POLD1: variants seen among roughly 807,000 people sequenced by gnomAD.
POLD1 encodes DNA polymerase delta 1, catalytic subunit.
Under a neutral mutation model 129.7 loss-of-function variants are expected in POLD1, and 79 were observed. The observed-to-expected ratio is 0.61, with a 90% CI of 0.51 to 0.73. The LOEUF (loss-of-function observed/expected upper bound fraction) is 0.73. POLD1 is among the 30% of genes least tolerant of loss of function. The pLI is 0.00. For synonymous variants in POLD1, 714 were observed against 683.3 expected (o/e 1.04, Z -0.70); for missense variants, 1,338 against 1,595.8 (o/e 0.84, Z 2.75).
rs1184569102 is a variant in POLD1, at chr19:50,402,297, G to T, written c.682G>T (p.Glu228Ter). ...RLVAPARRLLEQGIRVAGLGT... is the reference protein window; with the variant it reads ...RLVAPARRLL ...CGTGGCCCCGGCCCGCCGTCTCCTG[G>T]AACAGGGCATCCGTGTGGCAGGCCT... The change falls in exon 6 of 27, where the codon GAA (glutamate) becomes TAA (stop). Residue 228 changes from glutamate (E) to a stop codon, truncating the protein, a stop_gained. Transcript: ENST00000440232. LOFTEE classifies it high-confidence loss of function. 1 of 1,610,814 alleles carries T rather than the reference G, an allele frequency of 6.2e-7. No homozygotes were observed. Among genetic ancestry groups the T allele is most frequent in the Non-Finnish European group, 8.5e-7 (1 of 1,177,912 alleles).
chr19:50,393,461 AG>A lies in POLD1; in HGVS notation c.-1-5386del, dbSNP rs566311557. ...CAAGGCAGGCAGATCACTTGAGCCC[AG>A]GGGTTTCAGACCAGCCTCAGCAACA... On this transcript the variant is annotated intron_variant, in intron 1 of 26. Coordinates refer to ENST00000440232, the MANE Select transcript of POLD1 (RefSeq NM_002691.4). 7.9e-5 allele frequency among the ~76,000 whole-genome samples: 12 copies of A among 152,272 alleles called. No individual in the cohort carries two copies. The South Asian group carries it at 2.3e-3, about 29-fold the overall frequency.
In POLD1 at chr19:50,398,900, C is replaced by T. The variant is rs570461545; in HGVS notation, c.49C>T (p.Arg17Trp). Residue 17 changes from arginine to tryptophan, a missense_variant, in exon 2 of 27, where the codon CGG becomes TGG. This residue lies in a region of POLD1 where 332 missense variants were observed against 315.7 expected (regional missense o/e 1.05). Coordinates refer to ENST00000440232, the MANE Select transcript of POLD1 (RefSeq NM_002691.4). ...PGPGPGVPPK[R>W]ARGGLWDDDD... is the part of the protein sequence containing the mutation. ...CCCAGGGCCCGGGGTGCCCCCAAAG[C>T]GGGCCCGTGGGGGCCTCTGGGATGA... The T allele has an allele frequency of 1.6e-5, 25 of 1,602,884 alleles. No homozygotes were observed. The highest frequency in any genetic ancestry group is 1.1e-4 in the African/African-American group (8 of 74,932).
chr19:50,396,395 A>G lies in POLD1; in HGVS notation c.-1-2456A>G, dbSNP rs143410407. On this transcript the variant is annotated intron_variant, in intron 1 of 26. Coordinates refer to ENST00000440232, the MANE Select transcript of POLD1 (RefSeq NM_002691.4). ...GGGCCACCGTGCCTAACTCTAGTCAACTTTTATATTGTATATCTTGTACAT... is the reference window on the plus strand; with the variant it reads ...GGGCCACCGTGCCTAACTCTAGTCAGCTTTTATATTGTATATCTTGTACAT... 1.5e-3 allele frequency among the ~76,000 whole-genome samples: 218 copies of G among 148,614 alleles called. 1 individual carries two copies. Among genetic ancestry groups the G allele is most frequent in the Middle Eastern group, 3.5e-3 (1 of 288 alleles).
chr19:50,401,738 C>T (rs1367408915), intron 3 of POLD1, 40 bp from the exon 4 acceptor site: 1 of 1,606,856 alleles, frequency 6.2e-7, no homozygotes, highest in African/African-American at 1.3e-5. Context: ...TTGGAGGACC[C>T]TGAGAGGCAT....
intron 20 of POLD1, among the ~76,000 whole-genome samples, 176 bp downstream of exon 20, chr19:50,415,166 A>G (rs2039232845): frequency 6.7e-6 from 1 of 149,664 alleles, no homozygotes; most frequent in South Asian, 2.1e-4. Flanking sequence ...TCTTAGATAC[A>G]AGAGTCCAGA....
intron 1 of POLD1, among the ~76,000 whole-genome samples, chr19:50,391,752 G>A (rs575338231): frequency 6.6e-6 from 1 of 152,060 alleles, no homozygotes. Context: ...CGCTCTTGTT[G>A]CCCGGGCTGG....
intron 18 of POLD1, 88 bp from the exon 19 acceptor site, chr19:50,413,654 T>C (rs1016709819): frequency 1.5e-5 from 23 of 1,542,508 alleles, no homozygotes; most frequent in Admixed American, 5.3e-5. Flanking sequence ...TTGGGTCCCG[T>C]TGGCATTAGC....
intron 19 of POLD1, among the ~76,000 whole-genome samples, chr19:50,414,599 T>G (rs576058174): frequency 6.6e-6 from 1 of 152,324 alleles, no homozygotes; most frequent in East Asian, 1.9e-4. Flanking sequence ...TGTTTCAGAT[T>G]GGGGTCTCTG....
chr19:50,402,960 G>A lies in POLD1; in HGVS notation c.971-93G>A, dbSNP rs3218759. ...GAGCCACGTAGGGCCGGCAGGCAGCGGGGACAGCCCCGGGGAGATGGCAGG... is the reference window on the plus strand; with the variant it reads ...GAGCCACGTAGGGCCGGCAGGCAGCAGGGACAGCCCCGGGGAGATGGCAGG... On this transcript the variant is annotated intron_variant, in intron 8 of 26. Transcript: ENST00000440232. The A allele has an allele frequency of 4.0e-4, 584 of 1,475,888 alleles. No homozygotes were observed. The African/African-American group carries it at 6.9e-3, about 17-fold the overall frequency. The allele number at this position is 1,475,888 out of a possible 1,614,324, so 91.4% of individuals were successfully genotyped here. A position where few individuals can be genotyped will look rare whatever the true frequency, so the allele number is the denominator to read the frequency against.
intron 17 of POLD1, among the ~76,000 whole-genome samples, chr19:50,411,234 C>A (rs1345606639): frequency 6.6e-6 from 1 of 152,208 alleles, no homozygotes; most frequent in Non-Finnish European, 1.5e-5. Context: ...AAGAGCCAGA[C>A]CTTTCTTTGC....
chr19:50,413,791 CG>C lies in POLD1; in HGVS notation c.2302del (p.Val768TrpfsTer120), dbSNP rs1555792662. Reference sequence around the variant, plus strand: ...GTCATGTGCCGATTCGGCGTGTCCTCGGTGGCTGAGGCGATGGCCCTGGGGC... The same window carrying C: ...GTCATGTGCCGATTCGGCGTGTCCTCGTGGCTGAGGCGATGGCCCTGGGGC... ...DSVMCRFGVS[S>X]VAEAMALGRE... is the part of the protein sequence containing the mutation. On this transcript the variant is annotated frameshift_variant, in exon 19 of 27. Transcript: ENST00000440232. LOFTEE classifies it high-confidence loss of function. 6.2e-7 allele frequency: 1 copy of C among 1,612,268 alleles called. No individual in the cohort carries two copies. The highest frequency in any genetic ancestry group is 8.5e-7 in the Non-Finnish European group (1 of 1,179,686).
At position 50,402,314 on chromosome 19, in the gene POLD1, G is replaced by A. The variant is rs1414304873; in HGVS notation, c.699G>A (p.Val233=). The A allele has an allele frequency of 6.2e-7, 1 of 1,610,792 alleles. No homozygotes were observed. Among genetic ancestry groups the A allele is most frequent in the African/African-American group, 1.3e-5 (1 of 74,888 alleles). The change falls in exon 6 of 27, where the codon GTG becomes GTA. Residue 233 remains valine (V), a synonymous_variant. Coordinates refer to ENST00000440232, the MANE Select transcript of POLD1 (RefSeq NM_002691.4). ...GTCTCCTGGAACAGGGCATCCGTGT[G>A]GCAGGCCTGGGCACGCCCAGCTTCG... The part of the protein sequence containing the change: ...ARRLLEQGIR[V]AGLGTPSFAP...
In POLD1 at chr19:50,391,136, A is replaced by G. The variant is rs559649428; in HGVS notation, c.-2+6746A>G. On this transcript the variant is annotated intron_variant, in intron 1 of 26. Transcript: ENST00000440232. ...GGCAGAGGCGCTCCTCACATCCCAG[A>G]CGGGGCGTCGGGGCAGAGGCGCTCC... 8.6e-5 allele frequency among the ~76,000 whole-genome samples: 13 copies of G among 151,446 alleles called. 1 individual carries two copies. The highest frequency in any genetic ancestry group is 2.2e-4 in the African/African-American group (9 of 41,014).
rs1284206861 is a variant in POLD1, at chr19:50,392,386, C to T, written c.-1-6465C>T. Among the ~76,000 whole-genome samples the T allele has an allele frequency of 2.0e-5, 3 of 152,208 alleles. No individual in the cohort carries two copies. In the South Asian group the frequency reaches 6.2e-4, roughly 31 times the overall value. On this transcript the variant is annotated intron_variant, in intron 1 of 26. Transcript: ENST00000440232. ...GTGTTGGGATTACAGACGTGAGCCTCCTAGCCCAGGCAACTTACTTTTTCA... is the reference window on the plus strand; with the variant it reads ...GTGTTGGGATTACAGACGTGAGCCTTCTAGCCCAGGCAACTTACTTTTTCA...
At chr19:50,385,260 C>T (rs1299587725) in intron 1 of POLD1, among the ~76,000 whole-genome samples, 1 of 152,032 alleles carries the variant, frequency 6.6e-6, no homozygotes, top group Non-Finnish European at 1.5e-5. Flanking sequence ...CTCCGGTTAC[C>T]TTTGCGGGCG....
chr19:50,415,803 G>A lies in POLD1; in HGVS notation c.2797G>A (p.Val933Met), dbSNP rs764785216. The A allele has an allele frequency of 6.5e-7, 1 of 1,549,008 alleles. No homozygotes were observed. The change falls in exon 22 of 27, where the codon GTG becomes ATG. Residue 933 changes from valine (V) to methionine (M), a missense_variant. Around this residue, in one of 3 missense-constraint regions of POLD1, gnomAD observed 286 missense variants for 277.5 expected, o/e 1.03. Transcript: ENST00000440232. The stretch of plus-strand genomic sequence containing the variant: ...CGTGATCATCAGTGCCGCCAAGGGT[G>A]TGGCCGCCTACATGAAGTCGGAGGT... ...PYVIISAAKG[V>M]AAYMKSEDPL...
At chr19:50,386,190 A>G (rs1404990445) in intron 1 of POLD1, among the ~76,000 whole-genome samples, 1 of 151,468 alleles carries the variant, frequency 6.6e-6, no homozygotes, top group Non-Finnish European at 1.5e-5. Context: ...CCCAGGCTGG[A>G]GTGCAGTGGC....
chr19:50,394,827 A>G (rs2038288253), intron 1 of POLD1, among the ~76,000 whole-genome samples: 1 of 151,650 alleles, frequency 6.6e-6, no homozygotes, highest in African/African-American at 2.4e-5. Flanking sequence ...GGGGACAAGT[A>G]CTTTGTTTTT....
chr19:50,396,733 T>C (rs1176196721), intron 1 of POLD1, among the ~76,000 whole-genome samples: 1 of 151,698 alleles, frequency 6.6e-6, no homozygotes, highest in African/African-American at 2.4e-5. Context: ...ACCTGCCTCC[T>C]AAAGTGCTGG....
Sources: gnomAD v4.1 joint callset for allele counts (sites outside exome capture counted in the v4.1 genomes callset) on GRCh38, gnomAD v4.1.1 for gene constraint, gnomAD v4.1.1 regional missense constraint, MANE v1.5 for transcripts, NCBI Gene and HGNC (gene_info 2026-07-23, HGNC 2026-07-21) for gene names.